The following FILIP1L variants were observed in gnomAD, a reference collection of about 807,000 sequenced individuals.
FILIP1L encodes filamin A interacting protein 1 like, also known as filamin A-interacting protein 1-like.
A neutral mutation model predicts 96.6 loss-of-function variants in FILIP1L; 55 were observed. The observed-to-expected ratio is 0.57, with a 90% CI of 0.46 to 0.71. The LOEUF (loss-of-function observed/expected upper bound fraction) is 0.71, where lower values mean the gene tolerates loss of function less well. Ranked by LOEUF, FILIP1L falls within the 30% of genes least tolerant of loss-of-function variation. The probability of loss-of-function intolerance (pLI) is 0.00; values close to 1 mark genes in which losing one functional copy is unlikely to be tolerated. For missense variants in FILIP1L, 1,304 were observed against 1,321.2 expected (o/e 0.99, Z 0.20); for synonymous variants, 467 against 473.9 (o/e 0.99, Z 0.19).
intron 1 of FILIP1L, among the ~76,000 whole-genome samples, chr3:99,992,972 G>T (rs9873878): frequency 0.19 from 28,731 of 151,968 alleles, 3,002 homozygotes; most frequent in South Asian, 0.25. Flanking sequence ...TCACTTGGTT[G>T]TAGGTATGCG....
rs544893106 is a variant in FILIP1L at position 100,084,771 on chromosome 3, T to G, written c.-11+29282A>C. Among the ~76,000 whole-genome samples, 5 of 152,346 alleles carry G rather than the reference T, an allele frequency of 3.3e-5. No individual in the cohort carries two copies. In the South Asian group the frequency reaches 1.0e-3, roughly 32 times the overall value. ...AACTGAATATTTATAAATCAAATCA[T>G]AGTTTTCACTTGGTTCATATTATCA... is the stretch of plus-strand genomic sequence containing the variant. On this transcript the variant is annotated intron_variant, in intron 1 of 5. Transcript: ENST00000477258.
intron 1 of FILIP1L, among the ~76,000 whole-genome samples, chr3:100,063,237 A>G (rs1006063868): frequency 3.9e-5 from 6 of 152,180 alleles, no homozygotes; most frequent in Admixed American, 1.3e-4. Flanking sequence ...GTTCCCAAAT[A>G]AGCCCTGGTA....
At chr3:99,982,395 A>G (rs1709151960) in intron 1 of FILIP1L, among the ~76,000 whole-genome samples, 1 of 151,866 alleles carries the variant, frequency 6.6e-6, no homozygotes, top group Non-Finnish European at 1.5e-5. Flanking sequence ...GCTAGCATGT[A>G]GTGGCGCATT....
At chr3:99,878,499 G>T (rs1203727403) in intron 4 of FILIP1L, among the ~76,000 whole-genome samples, 4 of 152,276 alleles carry the variant, frequency 2.6e-5, no homozygotes, top group South Asian at 2.1e-4. Flanking sequence ...TACATAAATA[G>T]TCTTGTCTTC....
rs964677661 is a variant in FILIP1L, at chr3:99,983,172, G to T, written c.-10-52142C>A. Among the ~76,000 whole-genome samples the T allele has an allele frequency of 2.0e-5, 3 of 151,548 alleles. No individual in the cohort carries two copies. The South Asian group carries it at 6.3e-4, about 32-fold the overall frequency. ...GCCATTTGAAAAAAAATTTCTCAGG[G>T]ATATTGTTATCTAACTTCTTTGAAT... is the stretch of plus-strand genomic sequence containing the variant. On this transcript the variant is annotated intron_variant, in intron 1 of 5. Transcript: ENST00000477258.
intron 4 of FILIP1L, among the ~76,000 whole-genome samples, chr3:99,919,947 A>G (rs1379753149): frequency 6.6e-6 from 1 of 152,246 alleles, no homozygotes; most frequent in Non-Finnish European, 1.5e-5. Context: ...ACTTGGACAG[A>G]AAAGGAACAA....
At chr3:100,038,835 G>T (rs1051291931) in intron 1 of FILIP1L, among the ~76,000 whole-genome samples, 3 of 152,060 alleles carry the variant, frequency 2.0e-5, no homozygotes, top group Non-Finnish European at 4.4e-5. Flanking sequence ...GGATCTCCCA[G>T]ATGTATTGTT....
chr3:99,955,134 C>T (rs1163920217), intron 1 of FILIP1L, among the ~76,000 whole-genome samples: 1 of 152,174 alleles, frequency 6.6e-6, no homozygotes, highest in Non-Finnish European at 1.5e-5. Context: ...TTCAAGGCCC[C>T]TTTCAATTCT....
intron 4 of FILIP1L, among the ~76,000 whole-genome samples, chr3:99,896,683 T>A (rs1706265378): frequency 6.6e-6 from 1 of 152,230 alleles, no homozygotes; most frequent in African/African-American, 2.4e-5. Context: ...ATTATAATTC[T>A]ACAATGATAG....
At chr3:99,834,210 A>C (rs1319716788) in intron 5 of FILIP1L, among the ~76,000 whole-genome samples, 1 of 152,218 alleles carries the variant, frequency 6.6e-6, no homozygotes, top group Non-Finnish European at 1.5e-5. Flanking sequence ...CGCTTTATAC[A>C]GGAAAGGGTC....
At chr3:100,053,845 A>T (rs2065416433) in intron 1 of FILIP1L, among the ~76,000 whole-genome samples, 1 of 152,194 alleles carries the variant, frequency 6.6e-6, no homozygotes, top group South Asian at 2.1e-4. Context: ...TTATTTTATA[A>T]AACTGCCCCC....
chr3:99,931,090 C>CTAT, intron 1 of FILIP1L, 60 bp from the exon 2 acceptor site: 1 of 1,366,404 alleles, frequency 7.3e-7, no homozygotes, highest in Non-Finnish European at 1.0e-6. Context: ...ATAAGAGTAC[C>CTAT]TATTACTGCT....
At chr3:99,942,861 T>C (rs1475697633) in intron 1 of FILIP1L, among the ~76,000 whole-genome samples, 1 of 151,616 alleles carries the variant, frequency 6.6e-6, no homozygotes, top group Non-Finnish European at 1.5e-5. Flanking sequence ...GAGGTGATTT[T>C]CTTAAAAGAA....
intron 1 of FILIP1L, among the ~76,000 whole-genome samples, chr3:100,082,445 A>G (rs1218930607): frequency 2.6e-5 from 4 of 152,218 alleles, no homozygotes; most frequent in African/African-American, 9.6e-5. Flanking sequence ...TACAGCTTTA[A>G]GACTGGTAGT....
intron 4 of FILIP1L, among the ~76,000 whole-genome samples, chr3:99,861,239 C>G (rs1290383216): frequency 6.6e-6 from 1 of 152,184 alleles, no homozygotes; most frequent in African/African-American, 2.4e-5. Flanking sequence ...GACTTTAGGT[C>G]TTTGTCAGAC....
intron 4 of FILIP1L, among the ~76,000 whole-genome samples, chr3:99,893,323 G>T (rs1390929661): frequency 6.6e-6 from 1 of 151,882 alleles, no homozygotes; most frequent in East Asian, 1.9e-4. Flanking sequence ...CTGCCACCAC[G>T]CCCGGCTAAT....
intron 4 of FILIP1L, among the ~76,000 whole-genome samples, chr3:99,872,013 C>G (rs991960571): frequency 3.3e-5 from 5 of 151,948 alleles, no homozygotes; most frequent in Non-Finnish European, 1.5e-5. Context: ...GATTTTATAT[C>G]TAAATTAACA....
chr3:99,838,599 AG>A (rs1236185579), intron 5 of FILIP1L, among the ~76,000 whole-genome samples: 1 of 152,234 alleles, frequency 6.6e-6, no homozygotes, highest in Non-Finnish European at 1.5e-5. Context: ...GATTGTGGAA[AG>A]GATCAAATTC....
chr3:99,934,804 T>TAA (rs1006142455), intron 1 of FILIP1L, among the ~76,000 whole-genome samples: 11 of 152,128 alleles, frequency 7.2e-5, no homozygotes, highest in Admixed American at 4.6e-4. Context: ...TCATAAGTGG[T>TAA]AAAAAAAGGA....
Sources: gnomAD v4.1 joint callset for allele counts (sites outside exome capture counted in the v4.1 genomes callset) on GRCh38, gnomAD v4.1.1 for gene constraint, MANE v1.5 for transcripts, NCBI Gene and HGNC (gene_info 2026-07-23, HGNC 2026-07-21) for gene names.